The following PTCHD4 variants were observed in gnomAD, a reference collection of about 807,000 sequenced individuals.
The protein encoded by PTCHD4 is patched domain-containing protein 4.
PTCHD4 carries 33 observed loss-of-function variants against 58.1 expected under a neutral mutation model. That is an observed-to-expected ratio of 0.57 (90% CI 0.43 to 0.76). The LOEUF is 0.76. Ranked by LOEUF, PTCHD4 falls within the 30% of genes least tolerant of loss-of-function variation. The probability of loss-of-function intolerance (pLI) is 0.00; values close to 1 mark genes in which losing one functional copy is unlikely to be tolerated. For missense variants in PTCHD4, 1,058 were observed against 1,027.1 expected (o/e 1.03, Z -0.41); for synonymous variants, 478 against 409.6 (o/e 1.17, Z -2.02).
In PTCHD4 at chr6:47,875,475, A is replaced by T. The variant is rs1763823876; in HGVS notation, c.*2828T>A. Among the ~76,000 whole-genome samples, 1 of 151,804 alleles carries T rather than the reference A, an allele frequency of 6.6e-6. No individual in the cohort carries two copies. The highest frequency in any genetic ancestry group is 1.5e-5 in the Non-Finnish European group (1 of 67,838). On this transcript the variant is annotated 3_prime_UTR_variant, in exon 5 of 5. Transcript: ENST00000339488. ...TCTTAGGATTAAATTACTTCCTAGG[A>T]CTGCATTAAGACACTTTAGGTGGTA...
intron 4 of PTCHD4, among the ~76,000 whole-genome samples, chr6:47,954,629 G>T (rs1766784389): frequency 6.6e-6 from 1 of 152,118 alleles, no homozygotes; most frequent in Non-Finnish European, 1.5e-5. Flanking sequence ...TATTGGTATT[G>T]CAATTTTAAT....
chr6:47,875,419 T>C lies in PTCHD4; in HGVS notation c.*2884A>G, dbSNP rs958379110. ...GGAAACATCTGTTTCACAGTGAGGT[T>C]GGGAGGTCAGACGATGCTCTGTTAG... On this transcript the variant is annotated 3_prime_UTR_variant, in exon 5 of 5. Transcript: ENST00000339488. Among the ~76,000 whole-genome samples, 4 of 151,872 alleles carry C rather than the reference T, an allele frequency of 2.6e-5. No homozygotes were observed. The highest frequency in any genetic ancestry group is 5.9e-5 in the Non-Finnish European group (4 of 67,894).
intron 4 of PTCHD4, among the ~76,000 whole-genome samples, chr6:47,950,761 C>A (rs1357805907): frequency 1.3e-5 from 2 of 151,992 alleles, no homozygotes. Context: ...CTATGGGACT[C>A]TATGAGGTCA....
chr6:47,941,859 CA>C, intron 4 of PTCHD4, among the ~76,000 whole-genome samples: 1 of 152,200 alleles, frequency 6.6e-6, no homozygotes, highest in East Asian at 1.9e-4. Flanking sequence ...AAGAAATACA[CA>C]TTTTGATATT....
chr6:47,957,969 A>G (rs1766936266), intron 4 of PTCHD4, among the ~76,000 whole-genome samples: 1 of 152,176 alleles, frequency 6.6e-6, no homozygotes, highest in Non-Finnish European at 1.5e-5. Flanking sequence ...TGGAGGTGAA[A>G]GAAAATCAAT....
intron 1 of PTCHD4, among the ~76,000 whole-genome samples, chr6:48,083,000 T>C (rs1765196606): frequency 6.6e-6 from 1 of 151,742 alleles, no homozygotes; most frequent in Non-Finnish European, 1.5e-5. Context: ...TTACTAAATA[T>C]AAGCATATAA....
At chr6:48,000,517 C>A (rs868820496) in intron 4 of PTCHD4, among the ~76,000 whole-genome samples, 2 of 152,064 alleles carry the variant, frequency 1.3e-5, no homozygotes, top group Non-Finnish European at 1.5e-5. Context: ...GTTATCTTTC[C>A]GAATTTTCTT....
intron 4 of PTCHD4, among the ~76,000 whole-genome samples, chr6:47,897,976 G>T (rs532471414): frequency 1.9e-5 from 2 of 107,272 alleles, no homozygotes; most frequent in Admixed American, 1.4e-4. Flanking sequence ...AGACAGAGTC[G>T]CTTTGTTGCC....
In PTCHD4 at chr6:47,971,407, C is replaced by A. The variant is rs529294382; in HGVS notation, c.898+37227G>T. Among the ~76,000 whole-genome samples, 9 of 152,096 alleles carry A rather than the reference C, an allele frequency of 5.9e-5. 1 individual carries two copies. In the South Asian group the frequency reaches 1.7e-3, roughly 28 times the overall value. ...TTGAAATGGCCCACTGTGCTGTGTA[C>A]CCAGCAGAAGAATGAAAAAATACCT... On this transcript the variant is annotated intron_variant, in intron 4 of 4. Coordinates refer to ENST00000339488, the MANE Select transcript of PTCHD4 (RefSeq NM_001384253.1).
At chr6:48,053,783 G>A (rs573418594) in intron 3 of PTCHD4, among the ~76,000 whole-genome samples, 1 of 152,172 alleles carries the variant, frequency 6.6e-6, no homozygotes, top group South Asian at 2.1e-4. Flanking sequence ...TATAGATTAG[G>A]GAAGTACAGG....
At chr6:47,893,460 T>C (rs751692205) in intron 4 of PTCHD4, among the ~76,000 whole-genome samples, 1 of 152,220 alleles carries the variant, frequency 6.6e-6, no homozygotes, top group Non-Finnish European at 1.5e-5. Flanking sequence ...TTGAATAATA[T>C]ACTTTGGAGT....
rs574390361 is a variant in PTCHD4 at position 47,897,845 on chromosome 6, C to G, written c.899-17909G>C. ...TGTGATGACTAGTGAGAGTACATCT[C>G]TAACTTAATAGACATGCCATAAATA... On this transcript the variant is annotated intron_variant, in intron 4 of 4. Coordinates refer to ENST00000339488, the MANE Select transcript of PTCHD4 (RefSeq NM_001384253.1). Among the ~76,000 whole-genome samples the G allele has an allele frequency of 3.3e-5, 5 of 151,556 alleles. No homozygotes were observed. The South Asian group carries it at 1.0e-3, about 32-fold the overall frequency.
chr6:48,052,016 G>A (rs1764250326), intron 3 of PTCHD4, among the ~76,000 whole-genome samples: 1 of 152,012 alleles, frequency 6.6e-6, no homozygotes, highest in South Asian at 2.1e-4. Context: ...AAGAAAGCCT[G>A]TGACTTATCT....
intron 1 of PTCHD4, among the ~76,000 whole-genome samples, chr6:48,071,752 A>T (rs1392849060): frequency 6.6e-6 from 1 of 152,154 alleles, no homozygotes; most frequent in African/African-American, 2.4e-5. Flanking sequence ...CCTATCCTGG[A>T]TACCACATTG....
chr6:48,014,217 A>C (rs1261182126), intron 3 of PTCHD4, among the ~76,000 whole-genome samples: 1 of 152,156 alleles, frequency 6.6e-6, no homozygotes, highest in Non-Finnish European at 1.5e-5. Flanking sequence ...TTGTACCTGC[A>C]GTTGGCCCAA....
chr6:47,966,319 C>T lies in PTCHD4; in HGVS notation c.898+42315G>A, dbSNP rs1767294392. ...CTATAGTATATTAAGTATGCAATAG[C>T]ATTATGTCTGAGAATGTACATACCT... On this transcript the variant is annotated intron_variant, in intron 4 of 4. Transcript: ENST00000339488. 5.9e-5 allele frequency among the ~76,000 whole-genome samples: 9 copies of T among 152,086 alleles called. 1 individual carries two copies. In the South Asian group the frequency reaches 2.0e-3, roughly 33 times the overall value.
chr6:47,934,596 G>A (rs918964327), intron 4 of PTCHD4, among the ~76,000 whole-genome samples: 3 of 151,916 alleles, frequency 2.0e-5, no homozygotes, highest in Non-Finnish European at 4.4e-5. Flanking sequence ...TGTGACTTTT[G>A]GTTCACTTTT....
rs1002735907 is a variant in PTCHD4 at position 47,864,357 on chromosome 6, T to C, written c.*13946A>G. On this transcript the variant is annotated 3_prime_UTR_variant, in exon 5 of 5. Transcript: ENST00000339488. ...ATATATATATGGCTATTTCACCTACTAGTTTGCTTTGCTAAAATCCTTGAT... is the reference window on the plus strand; with the variant it reads ...ATATATATATGGCTATTTCACCTACCAGTTTGCTTTGCTAAAATCCTTGAT... 8.6e-5 allele frequency among the ~76,000 whole-genome samples: 13 copies of C among 151,830 alleles called. No individual in the cohort carries two copies. The highest frequency in any genetic ancestry group is 1.9e-4 in the Non-Finnish European group (13 of 67,866).
At chr6:47,886,061 G>A (rs1764182203) in intron 4 of PTCHD4, among the ~76,000 whole-genome samples, 1 of 151,086 alleles carries the variant, frequency 6.6e-6, no homozygotes, top group African/African-American at 2.4e-5. Context: ...CAAGTAATCT[G>A]CCCGCCTCGG....
Sources: allele counts gnomAD v4.1 joint callset (sites outside exome capture counted in the v4.1 genomes callset), GRCh38; gene constraint gnomAD v4.1.1; transcripts MANE v1.5; gene names NCBI Gene and HGNC (gene_info 2026-07-23, HGNC 2026-07-21).